The following PRICKLE2 variants were observed in gnomAD, a reference collection of about 807,000 sequenced individuals.
PRICKLE2 encodes the protein prickle-like protein 2.
Under a neutral mutation model 81.4 loss-of-function variants are expected in PRICKLE2, and 21 were observed. That is an observed-to-expected ratio of 0.26 (90% CI 0.18 to 0.37). PRICKLE2 has a LOEUF of 0.37. Ranked by LOEUF, PRICKLE2 falls within the 10% of genes least tolerant of loss-of-function variation. The pLI is 1.00. For missense variants in PRICKLE2, 940 were observed against 1,109.0 expected (o/e 0.85, Z 2.16); for synonymous variants, 456 against 421.5 (o/e 1.08, Z -1.00).
At chr3:64,246,890 C>T (rs2079365909) in intron 2 of PRICKLE2, among the ~76,000 whole-genome samples, 1 of 152,200 alleles carries the variant, frequency 6.6e-6, no homozygotes, top group Admixed American at 6.5e-5. Context: ...ACTATCCTGC[C>T]TTCTAATACA....
chr3:64,178,772 G>A (rs1161171277), intron 2 of PRICKLE2, among the ~76,000 whole-genome samples: 1 of 152,118 alleles, frequency 6.6e-6, no homozygotes, highest in Admixed American at 6.5e-5. Context: ...AGGTTCCTGT[G>A]AGCCTCTGGT....
chr3:64,262,448 T>C (rs896093097), intron 2 of PRICKLE2, among the ~76,000 whole-genome samples: 1 of 151,996 alleles, frequency 6.6e-6, no homozygotes, highest in Non-Finnish European at 1.5e-5. Flanking sequence ...ATGAAGATGC[T>C]GAGAAGAGAT....
chr3:64,150,641 G>A (rs117829007), intron 6 of PRICKLE2, among the ~76,000 whole-genome samples: 2 of 152,264 alleles, frequency 1.3e-5, no homozygotes, highest in East Asian at 3.9e-4. Context: ...AATCAGCACA[G>A]CATCCAGAGC....
chr3:64,233,325 T>C lies in PRICKLE2; in HGVS notation c.129-34358A>G, dbSNP rs115134186. On this transcript the variant is annotated intron_variant, in intron 2 of 8. Coordinates refer to the PRICKLE2 transcript ENST00000295902. The stretch of plus-strand genomic sequence containing the variant: ...CATCTTGATTCTCTGAAAACAAACA[T>C]TGCAGCATGCCATGCTTCTGCTCAA... Among the ~76,000 whole-genome samples, 410 of 152,128 alleles carry C rather than the reference T, an allele frequency of 2.7e-3. 5 individuals are homozygous for C. Among genetic ancestry groups the C allele is most frequent in the African/African-American group, 9.4e-3 (390 of 41,544 alleles).
chr3:64,249,330 A>T (rs939585747), intron 2 of PRICKLE2, among the ~76,000 whole-genome samples: 9 of 152,174 alleles, frequency 5.9e-5, no homozygotes, highest in Non-Finnish European at 1.2e-4. Flanking sequence ...GCAAGGGGGA[A>T]ATCTGCCTCC....
chr3:64,214,139 G>A (rs946452278), intron 1 of PRICKLE2, among the ~76,000 whole-genome samples: 1 of 152,220 alleles, frequency 6.6e-6, no homozygotes, highest in South Asian at 2.1e-4. Flanking sequence ...CCAGCTGGCA[G>A]CGGAATCCCT....
intron 7 of PRICKLE2, among the ~76,000 whole-genome samples, chr3:64,108,672 C>T (rs895674147): frequency 3.3e-5 from 5 of 152,148 alleles, no homozygotes; most frequent in African/African-American, 9.7e-5. Flanking sequence ...CACATTTGAA[C>T]GAGATCCCTG....
At chr3:64,192,899 T>C (rs763395781) in intron 2 of PRICKLE2, among the ~76,000 whole-genome samples, 1 of 152,168 alleles carries the variant, frequency 6.6e-6, no homozygotes, top group Non-Finnish European at 1.5e-5. Flanking sequence ...AAAACATCAA[T>C]GAAAAAGACA....
intron 6 of PRICKLE2, among the ~76,000 whole-genome samples, chr3:64,152,013 C>T (rs567388694): frequency 6.6e-6 from 1 of 152,334 alleles, no homozygotes; most frequent in South Asian, 2.1e-4. Context: ...AATGACAAAG[C>T]ACCGTTGAGC....
At chr3:64,212,832 G>A (rs1041739568) in intron 1 of PRICKLE2, among the ~76,000 whole-genome samples, 7 of 152,114 alleles carry the variant, frequency 4.6e-5, no homozygotes, top group Admixed American at 4.6e-4. Flanking sequence ...AGTATTTAGG[G>A]TTCTTGTTCT....
At chr3:64,156,311 C>T (rs1420993587) in intron 5 of PRICKLE2, among the ~76,000 whole-genome samples, 2 of 152,150 alleles carry the variant, frequency 1.3e-5, no homozygotes, top group Non-Finnish European at 2.9e-5. Context: ...GAAAGAAATG[C>T]CCATGTAACA....
intron 7 of PRICKLE2, among the ~76,000 whole-genome samples, chr3:64,118,527 A>C (rs897324632): frequency 2.0e-5 from 3 of 152,220 alleles, no homozygotes; most frequent in Non-Finnish European, 4.4e-5. Context: ...CCCATTAAAA[A>C]GTGGGCAAAG....
At chr3:64,185,408 C>T (rs1045025029) in intron 2 of PRICKLE2, among the ~76,000 whole-genome samples, 2 of 152,152 alleles carry the variant, frequency 1.3e-5, no homozygotes, top group African/African-American at 4.8e-5. Flanking sequence ...AAAGTAATGG[C>T]AAAAACAGCA....
At chr3:64,138,371 G>C (rs2077308654) in intron 7 of PRICKLE2, among the ~76,000 whole-genome samples, 1 of 152,198 alleles carries the variant, frequency 6.6e-6, no homozygotes, top group African/African-American at 2.4e-5. Flanking sequence ...AGGCAAATGA[G>C]AAGACTCAAT....
intron 1 of PRICKLE2, among the ~76,000 whole-genome samples, chr3:64,211,309 T>C (rs891786011): frequency 6.6e-6 from 1 of 152,334 alleles, no homozygotes; most frequent in East Asian, 1.9e-4. Context: ...CTGTGTACCA[T>C]GCATTGTGGT....
Position 64,099,606 on chromosome 3 carries a change from C to T in PRICKLE2, c.1980G>A (p.Val660=). Reference sequence around the variant, plus strand: ...TGCGTTCACTCATGGGCTGGATCCTCACGCCCTCCTGCCCTGGCAGCTTGC... The same window carrying T: ...TGCGTTCACTCATGGGCTGGATCCTTACGCCCTCCTGCCCTGGCAGCTTGC... ...AGSKLPGQEG[V]RIQPMSERTR... is the part of the protein sequence containing the mutation. Residue 660 remains valine (V), a synonymous_variant, in exon 8 of 8, where the codon GTG becomes GTA. Coordinates refer to ENST00000638394, the MANE Select transcript of PRICKLE2 (RefSeq NM_198859.4). This position sits in a 1 kb window ranked among gnomAD's most constrained non-coding sequence, Gnocchi z 4.3. The T allele has an allele frequency of 6.2e-7, 1 of 1,613,950 alleles. No homozygotes were observed.
chr3:64,163,450 T>A (rs39709), intron 2 of PRICKLE2: 4 of 411,242 alleles, frequency 9.7e-6, no homozygotes, highest in Middle Eastern at 7.5e-4. Context: ...CAGACTCCCC[T>A]GAGAGCTGGC....
rs901964486 is a variant in PRICKLE2 at position 64,224,958 on chromosome 3, C to G, written c.-89G>C. The G allele has an allele frequency of 4.1e-6, 4 of 985,130 alleles. No individual in the cohort carries two copies. The highest frequency in any genetic ancestry group is 3.5e-5 in the African/African-American group (2 of 57,178). The allele number at this position is 985,130 out of a possible 1,614,324, so 61.0% of individuals were successfully genotyped here. ...GTCTCGGAGGAAGCTTCTGCCAGAC[C>G]CTTGGAGCTTGTCAATTGTCCCAGT... On this transcript the variant is annotated 5_prime_UTR_variant, in exon 1 of 8. Coordinates refer to ENST00000638394, the MANE Select transcript of PRICKLE2 (RefSeq NM_198859.4).
At chr3:64,126,239 C>T (rs988809465) in intron 7 of PRICKLE2, among the ~76,000 whole-genome samples, 8 of 152,068 alleles carry the variant, frequency 5.3e-5, no homozygotes, top group Non-Finnish European at 1.0e-4. Flanking sequence ...AATTTTTAGC[C>T]CAATATTTAT....
Sources: allele counts gnomAD v4.1 joint callset (sites outside exome capture counted in the v4.1 genomes callset), GRCh38; gene constraint gnomAD v4.1.1; non-coding constraint Gnocchi (gnomAD v3.1); transcripts MANE v1.5; gene names NCBI Gene and HGNC (gene_info 2026-07-23, HGNC 2026-07-21).